FAM135B: variants seen among roughly 807,000 people sequenced by gnomAD.
The protein encoded by FAM135B is family with sequence similarity 135 member B.
A neutral mutation model predicts 127.7 loss-of-function variants in FAM135B; 43 were observed. That is an observed-to-expected ratio of 0.34 (90% CI 0.26 to 0.43). The LOEUF (loss-of-function observed/expected upper bound fraction) is 0.43, where lower values mean the gene tolerates loss of function less well. FAM135B is among the 20% of genes least tolerant of loss of function. FAM135B has a pLI of 1.00. For missense variants in FAM135B, 1,558 were observed against 1,725.6 expected, an observed-to-expected ratio of 0.90 and a Z score of 1.72; for synonymous variants, 670 against 665.1, an observed-to-expected ratio of 1.01 and a Z score of -0.11.
chr8:138,260,264 G>C (rs73439014), intron 4 of FAM135B, among the ~76,000 whole-genome samples: 2,735 of 152,254 alleles, frequency 0.018, 59 homozygotes, highest in East Asian at 0.089. Context: ...CTCACTAACT[G>C]ACCAGGGCTG....
At chr8:138,371,112 T>G (rs114816367) in intron 1 of FAM135B, among the ~76,000 whole-genome samples, 4,870 of 152,278 alleles carry the variant, frequency 0.032, 155 homozygotes, top group East Asian at 0.17. Flanking sequence ...TAACCAGACC[T>G]GAGTTAACTT....
At chr8:138,352,335 A>G (rs1223542650) in intron 2 of FAM135B, among the ~76,000 whole-genome samples, 1 of 152,198 alleles carries the variant, frequency 6.6e-6, no homozygotes, top group East Asian at 1.9e-4. Context: ...ATCATTATAC[A>G]TTGTATGCAT....
chr8:138,454,882 C>T (rs1233078172), intron 1 of FAM135B, among the ~76,000 whole-genome samples: 1 of 152,266 alleles, frequency 6.6e-6, no homozygotes, highest in East Asian at 1.9e-4. Context: ...ACTCTGTCCA[C>T]AGTTTCTCAC....
At chr8:138,403,660 C>CT (rs1256549174) in intron 1 of FAM135B, among the ~76,000 whole-genome samples, 2 of 152,156 alleles carry the variant, frequency 1.3e-5, no homozygotes, top group Non-Finnish European at 2.9e-5. Context: ...GGACCATGAC[C>CT]TTTTGCTCTA....
chr8:138,143,497 A>T (rs1817393359), intron 15 of FAM135B, among the ~76,000 whole-genome samples: 1 of 152,136 alleles, frequency 6.6e-6, no homozygotes, highest in Non-Finnish European at 1.5e-5. Context: ...ACACCAAGAC[A>T]GGCCTGAATC....
rs1427030753 is a variant in FAM135B, at chr8:138,311,030, G to A, written c.78-110C>T. On this transcript the variant is annotated intron_variant, in intron 2 of 19. Transcript: ENST00000395297. ...CCATAGGAAATCAGGGAAGTTTCTT[G>A]GCAGCATGCACAATCATCTGGCATC... 6 of 786,082 alleles carry A rather than the reference G, an allele frequency of 7.6e-6. No individual in the cohort carries two copies. The East Asian group carries it at 1.3e-4, about 17-fold the overall frequency. 48.7% of individuals were successfully genotyped at this position (786,082 alleles called of 1,614,324 possible).
chr8:138,158,688 A>C (rs1819036401), intron 12 of FAM135B, among the ~76,000 whole-genome samples: 3 of 152,222 alleles, frequency 2.0e-5, no homozygotes, highest in Admixed American at 2.0e-4. Flanking sequence ...GACACATGAA[A>C]AAATGTTCAT....
At chr8:138,340,425 C>T (rs150462233) in intron 2 of FAM135B, among the ~76,000 whole-genome samples, 1 of 152,202 alleles carries the variant, frequency 6.6e-6, no homozygotes, top group Non-Finnish European at 1.5e-5. Flanking sequence ...GATTAGTATC[C>T]ACATTACCCA....
At chr8:138,360,053 T>A (rs1179055841) in intron 2 of FAM135B, among the ~76,000 whole-genome samples, 1 of 152,132 alleles carries the variant, frequency 6.6e-6, no homozygotes, top group East Asian at 1.9e-4. Context: ...CTAAAGCCAC[T>A]GGGGAGAAAA....
chr8:138,212,069 T>C (rs1818186589), intron 7 of FAM135B, among the ~76,000 whole-genome samples: 1 of 152,138 alleles, frequency 6.6e-6, no homozygotes, highest in African/African-American at 2.4e-5. Context: ...TTGTCTCAAA[T>C]AAATAAATAC....
intron 2 of FAM135B, among the ~76,000 whole-genome samples, chr8:138,357,135 G>C (rs550753098): frequency 4.7e-4 from 71 of 151,802 alleles, no homozygotes; most frequent in East Asian, 3.0e-3. Context: ...ATTATCAATA[G>C]AGAATAGTTT....
rs187045826 is a variant in FAM135B at position 138,474,028 on chromosome 8, T to C, written c.-20+22643A>G. Among the ~76,000 whole-genome samples the C allele has an allele frequency of 5.1e-4, 77 of 152,284 alleles. No homozygotes were observed. The East Asian group carries it at 0.014, about 28-fold the overall frequency. ...CAGCATTCCATCTTTCATTTGACTA[T>C]ATCAACGTGTCTCAGGCAGAACTTT... On this transcript the variant is annotated intron_variant, in intron 1 of 19. Transcript: ENST00000395297.
rs1239341759 is a variant in FAM135B, at chr8:138,265,695, T to C, written c.297+8A>G. 10 of 1,614,038 alleles carry C rather than the reference T, an allele frequency of 6.2e-6. No individual in the cohort carries two copies. The highest frequency in any genetic ancestry group is 7.6e-6 in the Non-Finnish European group (9 of 1,179,950). ...CTACTTGTGGCTGGTGGTAGATTCA[T>C]GACTTACCCTTTCACCACCCAAGAG... On this transcript the variant is annotated splice_region_variant and intron_variant, in intron 4 of 19. Coordinates refer to ENST00000395297, the MANE Select transcript of FAM135B (RefSeq NM_015912.4).
At chr8:138,442,853 G>A (rs1229800341) in intron 1 of FAM135B, among the ~76,000 whole-genome samples, 2 of 152,126 alleles carry the variant, frequency 1.3e-5, no homozygotes, top group Admixed American at 1.3e-4. Context: ...GACAAGGACA[G>A]CAATGGAGTT....
chr8:138,148,682 A>G lies in FAM135B; in HGVS notation c.3286T>C (p.Tyr1096His), dbSNP rs1008410739. ...TTTTTAAATTTTTCTTTGGCCTGATAAAAACTGGAGAATACACTAATTAAT... is the reference window on the plus strand; with the variant it reads ...TTTTTAAATTTTTCTTTGGCCTGATGAAAACTGGAGAATACACTAATTAAT... ...EEVSERMFSFYQAKEKFKKEL... is the reference protein window; with the variant it reads ...EEVSERMFSFHQAKEKFKKEL... Residue 1096 changes from tyrosine to histidine, a missense_variant, in exon 14 of 20, where the codon TAT (tyrosine) becomes CAT (histidine). Physicochemically the swap from Tyr to His is moderately conservative, Grantham distance 83. Coordinates refer to ENST00000395297, the MANE Select transcript of FAM135B (RefSeq NM_015912.4). 2 of 1,603,072 alleles carry G rather than the reference A, an allele frequency of 1.2e-6. No individual in the cohort carries two copies. Among genetic ancestry groups the G allele is most frequent in the South Asian group, 1.1e-5 (1 of 89,384 alleles).
At chr8:138,320,251 C>T (rs1441107956) in intron 2 of FAM135B, among the ~76,000 whole-genome samples, 2 of 152,156 alleles carry the variant, frequency 1.3e-5, no homozygotes, top group Admixed American at 1.3e-4. Flanking sequence ...CATGACAAAA[C>T]CAACAGATGG....
At chr8:138,385,799 G>A (rs909296078) in intron 1 of FAM135B, among the ~76,000 whole-genome samples, 2 of 151,968 alleles carry the variant, frequency 1.3e-5, no homozygotes, top group Admixed American at 6.5e-5. Flanking sequence ...GTGACAGAGC[G>A]AGCTCAAAAA....
In FAM135B at chr8:138,151,950, G is replaced by A. The variant is rs1195014025; in HGVS notation, c.2525C>T (p.Pro842Leu). ...IVLDADNQQG[P>L]GYIDIPKGKG... is the part of the protein sequence containing the mutation. Reference sequence around the variant, plus strand: ...CCCTTTGGGGATGTCTATGTATCCGGGGCCCTGCTGGTTGTCAGCATCTAA... The same window carrying A: ...CCCTTTGGGGATGTCTATGTATCCGAGGCCCTGCTGGTTGTCAGCATCTAA... The change falls in exon 13 of 20, where the codon CCC becomes CTC. Residue 842 changes from proline (P) to leucine (L), a missense_variant. Around this residue, in one of 5 missense-constraint regions of FAM135B, gnomAD observed 923 missense variants for 865.3 expected, o/e 1.07. Coordinates refer to ENST00000395297, the MANE Select transcript of FAM135B (RefSeq NM_015912.4). 1 of 1,614,122 alleles carries A rather than the reference G, an allele frequency of 6.2e-7. No homozygotes were observed. Among genetic ancestry groups the A allele is most frequent in the African/African-American group, 1.3e-5 (1 of 75,032 alleles).
At chr8:138,492,625 C>T (rs1266032554) in intron 1 of FAM135B, among the ~76,000 whole-genome samples, 2 of 152,128 alleles carry the variant, frequency 1.3e-5, no homozygotes, top group East Asian at 3.9e-4. Context: ...CACCACCTCA[C>T]CCCTTGGCCT....
Sources: allele counts gnomAD v4.1 joint callset (sites outside exome capture counted in the v4.1 genomes callset), GRCh38; gene constraint gnomAD v4.1.1; regional missense constraint gnomAD v4.1.1; transcripts MANE v1.5; gene names NCBI Gene and HGNC (gene_info 2026-07-23, HGNC 2026-07-21).